SPATS1: variants seen among roughly 807,000 people sequenced by gnomAD.
SPATS1 encodes spermatogenesis associated serine rich 1.
In SPATS1, 23 loss-of-function variants were observed where a neutral mutation model predicts 33.6. The observed-to-expected ratio is 0.68, with a 90% CI of 0.49 to 0.97. SPATS1 has a LOEUF of 0.97. SPATS1 is among the 50% of genes least tolerant of loss of function. SPATS1 has a pLI of 0.00. For missense variants in SPATS1, 327 were observed against 361.0 expected (o/e 0.91, Z 0.76); for synonymous variants, 131 against 125.6 (o/e 1.04, Z -0.29).
chr6:44,358,761 T>A (rs1440625755), intron 3 of SPATS1, among the ~76,000 whole-genome samples: 1 of 152,198 alleles, frequency 6.6e-6, no homozygotes, highest in East Asian at 1.9e-4. Context: ...TTAATCTACT[T>A]TTGTCTGTAT....
rs1482719806 is a variant in SPATS1, at chr6:44,377,048, T to G, written c.888T>G (p.Phe296Leu). The part of the protein sequence containing the change: ...HMLHLSGALD[F>L]PRQS Reference sequence around the variant, plus strand: ...CTCTATCCACAGGTGCTTTGGACTTTCCAAGACAATCCTGAGCATAAACAG... The same window carrying G: ...CTCTATCCACAGGTGCTTTGGACTTGCCAAGACAATCCTGAGCATAAACAG... Residue 296 changes from phenylalanine to leucine, a missense_variant, in exon 9 of 9, where the codon TTT (phenylalanine) becomes TTG (leucine). Physicochemically the swap from Phe to Leu is conservative, Grantham distance 22. Transcript: ENST00000674044. 3 of 1,614,110 alleles carry G rather than the reference T, an allele frequency of 1.9e-6. No individual in the cohort carries two copies. Among genetic ancestry groups the G allele is most frequent in the Non-Finnish European group, 2.5e-6 (3 of 1,180,050 alleles).
At chr6:44,343,306 C>A in intron 2 of SPATS1, 72 bp downstream of exon 2, 2 of 1,549,300 alleles carry the variant, frequency 1.3e-6, no homozygotes, top group Non-Finnish European at 1.8e-6. Context: ...GGGGCGGGGG[C>A]AGGTGGGGGG....
At position 44,343,102 on chromosome 6, in the gene SPATS1, C is replaced by A; in HGVS notation, c.7C>A (p.Pro3Thr). Residue 3 changes from proline to threonine, a missense_variant, in exon 2 of 9, where the codon CCA (proline) becomes ACA (threonine). By Grantham distance (38) the Pro-to-Thr change is conservative. Transcript: ENST00000674044. MS[P>T]SMLTGNSPRG... is the part of the protein sequence containing the mutation. ...AAAATCATCATGGGCACAGATGAGT[C>A]CATCCATGCTCACTGGAAACAGTCC... The A allele has an allele frequency of 6.2e-7, 1 of 1,614,130 alleles. No homozygotes were observed. Among genetic ancestry groups the A allele is most frequent in the Non-Finnish European group, 8.5e-7 (1 of 1,180,006 alleles).
At chr6:44,347,790 TTATGTTTAC>T (rs1787988754) in intron 2 of SPATS1, among the ~76,000 whole-genome samples, 1 of 152,166 alleles carries the variant, frequency 6.6e-6, no homozygotes, top group East Asian at 1.9e-4. Flanking sequence ...TTTATTCTAT[TTATGTTTAC>T]TATTTTGTTC....
At chr6:44,350,617 G>C (rs1788175811) in intron 2 of SPATS1, among the ~76,000 whole-genome samples, 1 of 152,212 alleles carries the variant, frequency 6.6e-6, no homozygotes, top group South Asian at 2.1e-4. Context: ...GTCCTCTTAG[G>C]AGTGAAAGGT....
At chr6:44,365,169 C>T (rs574376912) in intron 5 of SPATS1, among the ~76,000 whole-genome samples, 16 of 152,124 alleles carry the variant, frequency 1.1e-4, no homozygotes, top group South Asian at 6.2e-4. Context: ...TGGAATGCAA[C>T]GCATTATTAT....
intron 2 of SPATS1, 139 bp from the exon 3 acceptor site, chr6:44,352,586 GT>G (rs1317268605): frequency 1.4e-6 from 1 of 700,968 alleles, no homozygotes; most frequent in East Asian, 2.7e-5. Flanking sequence ...ATGTGTAAAG[GT>G]GTTGACATAA....
intron 2 of SPATS1, chr6:44,343,562 T>C: frequency 2.1e-6 from 1 of 479,840 alleles, no homozygotes; most frequent in Non-Finnish European, 4.1e-6. Flanking sequence ...GGATTTGACA[T>C]GAGCCTGGGA....
chr6:44,376,295 C>T (rs951175605), intron 7 of SPATS1, 63 bp from the exon 8 acceptor site: 32 of 971,786 alleles, frequency 3.3e-5, no homozygotes, highest in African/African-American at 1.6e-4. Context: ...ATTTCTTATC[C>T]GCTGTTGGTG....
At position 44,376,427 on chromosome 6, in the gene SPATS1, C is replaced by A. The variant is rs776009357; in HGVS notation, c.828C>A (p.Asp276Glu). Reference sequence around the variant, plus strand: ...AGATACAAGAGGTTGAGGAGCTTGACAACTGGCAGCCAGCAGTGCCCTTAA... The same window carrying A: ...AGATACAAGAGGTTGAGGAGCTTGAAAACTGGCAGCCAGCAGTGCCCTTAA... Reference protein sequence around the residue: ...KNEIQEVEELDNWQPAVPLMH... With the variant: ...KNEIQEVEELENWQPAVPLMH... The change falls in exon 8 of 9, where the codon GAC becomes GAA. Residue 276 changes from aspartate (D) to glutamate (E), a missense_variant. By Grantham distance (45) the Asp-to-Glu change is conservative. Transcript: ENST00000674044. 5.0e-6 allele frequency: 8 copies of A among 1,612,634 alleles called. No homozygotes were observed. In the East Asian group the frequency reaches 1.8e-4, roughly 36 times the overall value.
chr6:44,375,925 G>A (rs1789915364), intron 7 of SPATS1, among the ~76,000 whole-genome samples: 2 of 151,820 alleles, frequency 1.3e-5, no homozygotes, highest in African/African-American at 4.8e-5. Flanking sequence ...GACCAACAAG[G>A]TGAAACCCTG....
chr6:44,374,813 A>G (rs1011169924), intron 7 of SPATS1, among the ~76,000 whole-genome samples: 4 of 152,152 alleles, frequency 2.6e-5, no homozygotes, highest in African/African-American at 9.7e-5. Context: ...CATTGCTCTT[A>G]GTCCTGCTTT....
In SPATS1 at chr6:44,361,923, G is replaced by T; in HGVS notation, c.505G>T (p.Val169Phe). Reference sequence around the variant, plus strand: ...CGGAAAGCAGTGCTTCTTTAATGGAGTCTTCCTCGGCAACAAGAGGTCTCT... The same window carrying T: ...CGGAAAGCAGTGCTTCTTTAATGGATTCTTCCTCGGCAACAAGAGGTCTCT... ...HVGKQCFFNGVFLGNKRSLSE... is the reference protein window; with the variant it reads ...HVGKQCFFNGFFLGNKRSLSE... The change falls in exon 5 of 9, where the codon GTC becomes TTC. Residue 169 changes from valine to phenylalanine, a missense_variant. Coordinates refer to ENST00000674044, the MANE Select transcript of SPATS1 (RefSeq NM_001372081.1). 6.2e-7 allele frequency: 1 copy of T among 1,614,232 alleles called. No homozygotes were observed. The highest frequency in any genetic ancestry group is 1.1e-5 in the South Asian group (1 of 91,088).
intron 7 of SPATS1, among the ~76,000 whole-genome samples, chr6:44,371,486 T>C (rs760993047): frequency 2.6e-5 from 4 of 152,366 alleles, no homozygotes; most frequent in Middle Eastern, 3.4e-3. Context: ...TATTGTTTCC[T>C]AGATTCTCTA....
chr6:44,342,666 G>A lies in SPATS1; in HGVS notation c.-103G>A, dbSNP rs1787627578. The A allele has an allele frequency of 2.2e-6, 1 of 456,590 alleles. No homozygotes were observed. The highest frequency in any genetic ancestry group is 2.3e-5 in the Admixed American group (1 of 42,576). 28.3% of individuals were successfully genotyped at this position (456,590 alleles called of 1,614,324 possible). A position where few individuals can be genotyped will look rare whatever the true frequency, so the allele number is the denominator to read the frequency against. On this transcript the variant is annotated 5_prime_UTR_variant, in exon 1 of 9. Transcript: ENST00000674044. ...GGCAACCCCGGAACGCGCCTCTGTG[G>A]GAGAAGCAGGCGGCTGCGGTGTCCC...
intron 5 of SPATS1, 86 bp from the exon 6 acceptor site, chr6:44,368,293 C>T: frequency 7.7e-7 from 1 of 1,305,186 alleles, no homozygotes; most frequent in Non-Finnish European, 1.0e-6. Context: ...AAAATATCCT[C>T]TTTCCATTGT....
At chr6:44,343,065 C>T in intron 1 of SPATS1, 31 bp from the exon 2 acceptor site, 1 of 1,612,816 alleles carries the variant, frequency 6.2e-7, no homozygotes, top group African/African-American at 1.3e-5. Context: ...CTCTGGGTTG[C>T]TTCTAATATT....
chr6:44,360,431 C>T lies in SPATS1; in HGVS notation c.288-15C>T. 1.2e-6 allele frequency: 2 copies of T among 1,613,968 alleles called. No homozygotes were observed. Among genetic ancestry groups the T allele is most frequent in the East Asian group, 2.2e-5 (1 of 44,886 alleles). On this transcript the variant is annotated splice_polypyrimidine_tract_variant and intron_variant, in intron 3 of 8. Transcript: ENST00000674044. Reference sequence around the variant, plus strand: ...AGTTTAAGCACGTGGAAGAATCCTTCTGCTTTCTTTCCAGCACCACTGCTG... The same window carrying T: ...AGTTTAAGCACGTGGAAGAATCCTTTTGCTTTCTTTCCAGCACCACTGCTG...
At chr6:44,349,598 T>C (rs1160260285) in intron 2 of SPATS1, among the ~76,000 whole-genome samples, 2 of 152,228 alleles carry the variant, frequency 1.3e-5, no homozygotes, top group African/African-American at 2.4e-5. Flanking sequence ...CATACTTTAA[T>C]TGGCAGCCTT....
Sources: allele counts gnomAD v4.1 joint callset (sites outside exome capture counted in the v4.1 genomes callset), GRCh38; gene constraint gnomAD v4.1.1; transcripts MANE v1.5; gene names NCBI Gene and HGNC (gene_info 2026-07-23, HGNC 2026-07-21).